CACNA2D3: variants seen among roughly 807,000 people sequenced by gnomAD.
CACNA2D3 encodes calcium voltage-gated channel auxiliary subunit alpha2delta 3.
CACNA2D3 carries 60 observed loss-of-function variants against 160.6 expected under a neutral mutation model. The observed-to-expected ratio is 0.37, with a 90% CI of 0.30 to 0.46. The LOEUF (loss-of-function observed/expected upper bound fraction) is 0.46, where lower values mean the gene tolerates loss of function less well. Among genes scored for constraint, CACNA2D3 ranks in the 20% least tolerant of loss-of-function variants. The pLI is 1.00. For synonymous variants in CACNA2D3, 558 were observed against 492.9 expected (o/e 1.13, Z -1.75); for missense variants, 1,205 against 1,365.0 (o/e 0.88, Z 1.85).
intron 35 of CACNA2D3, among the ~76,000 whole-genome samples, chr3:55,025,634 C>CAAAAAAAAAAAAAAAAAAAAAAAAAAAA (rs10717273): frequency 1.6e-5 from 1 of 63,282 alleles, no homozygotes; most frequent in Non-Finnish European, 2.9e-5. Context: ...ACTCTATCTC[C>CAAAAAAAAAAAAAAAAAAAAAAAAAAAA]AAAAAAAAAA....
At chr3:54,638,276 C>A (rs1699423821) in intron 10 of CACNA2D3, 2 of 151,870 alleles carry the variant, frequency 1.3e-5, no homozygotes, top group Middle Eastern at 3.2e-3. Context: ...ATGAACTGGG[C>A]TAGATTTTTA....
At chr3:54,647,279 C>T (rs761315986) in intron 11 of CACNA2D3, among the ~76,000 whole-genome samples, 5 of 152,116 alleles carry the variant, frequency 3.3e-5, no homozygotes, top group Non-Finnish European at 7.3e-5. Context: ...TGTTATGTAG[C>T]AGTAGAAAAC....
intron 14 of CACNA2D3, among the ~76,000 whole-genome samples, chr3:54,835,742 C>T (rs1275453747): frequency 6.6e-6 from 1 of 152,182 alleles, no homozygotes; most frequent in African/African-American, 2.4e-5. Flanking sequence ...GAACAGGCTA[C>T]GAAGCCAGAA....
intron 5 of CACNA2D3, among the ~76,000 whole-genome samples, chr3:54,537,222 G>C (rs754479672): frequency 9.2e-5 from 14 of 152,012 alleles, no homozygotes; most frequent in Non-Finnish European, 1.8e-4. Context: ...CCATGTGCGC[G>C]ATTAGGGTTA....
At chr3:54,719,344 T>C (rs929004435) in intron 11 of CACNA2D3, among the ~76,000 whole-genome samples, 1 of 152,016 alleles carries the variant, frequency 6.6e-6, no homozygotes, top group East Asian at 1.9e-4. Flanking sequence ...AGTGCTCTTC[T>C]GTTCCTAGTG....
chr3:54,813,035 A>G (rs1228429599), intron 13 of CACNA2D3, among the ~76,000 whole-genome samples: 1 of 152,180 alleles, frequency 6.6e-6, no homozygotes, highest in Non-Finnish European at 1.5e-5. Flanking sequence ...CCTTCTGAAT[A>G]CACATTCTCC....
intron 2 of CACNA2D3, among the ~76,000 whole-genome samples, chr3:54,149,928 T>TCTCTCTCTCTCCCTCCCTCC (rs1559863335): frequency 1.4e-4 from 5 of 35,554 alleles, no homozygotes; most frequent in African/African-American, 7.4e-4. Context: ...TCTCTCTCTC[T>TCTCTCTCTCTCCCTCCCTCC]CTCCCTCCCT....
chr3:54,150,339 A>G (rs555631056), intron 2 of CACNA2D3, among the ~76,000 whole-genome samples: 1 of 152,330 alleles, frequency 6.6e-6, no homozygotes, highest in African/African-American at 2.4e-5. Context: ...AAGGAAAAAT[A>G]TAATGAAAAT....
chr3:54,661,097 A>G (rs1259509923), intron 11 of CACNA2D3, among the ~76,000 whole-genome samples: 1 of 152,132 alleles, frequency 6.6e-6, no homozygotes, highest in Non-Finnish European at 1.5e-5. Context: ...TAAGATGTCG[A>G]GGGAGGATTA....
chr3:54,302,599 C>CA (rs1330994361), intron 2 of CACNA2D3, among the ~76,000 whole-genome samples: 1 of 152,204 alleles, frequency 6.6e-6, no homozygotes, highest in African/African-American at 2.4e-5. Flanking sequence ...CACATACTCT[C>CA]ACCTCCTCAT....
intron 2 of CACNA2D3, among the ~76,000 whole-genome samples, chr3:54,145,112 A>T (rs570806478): frequency 6.6e-6 from 1 of 152,298 alleles, no homozygotes; most frequent in East Asian, 1.9e-4. Context: ...ATAGACCAAG[A>T]TCTAAGTGTT....
chr3:54,685,285 C>A (rs760971708), intron 11 of CACNA2D3, among the ~76,000 whole-genome samples: 1 of 152,152 alleles, frequency 6.6e-6, no homozygotes, highest in Non-Finnish European at 1.5e-5. Context: ...TGCAAAGTGC[C>A]AGATAGTGTT....
intron 11 of CACNA2D3, among the ~76,000 whole-genome samples, chr3:54,736,536 C>G (rs1393432839): frequency 6.6e-6 from 1 of 152,144 alleles, no homozygotes; most frequent in East Asian, 1.9e-4. Flanking sequence ...TACATTTCCA[C>G]CAGCCGAAAG....
intron 25 of CACNA2D3, among the ~76,000 whole-genome samples, chr3:54,892,235 G>C (rs1700086711): frequency 6.6e-6 from 1 of 152,026 alleles, no homozygotes; most frequent in Non-Finnish European, 1.5e-5. Context: ...TTAGAGAGTG[G>C]TTTGCAAGTG....
At chr3:54,209,985 G>A (rs1348885048) in intron 2 of CACNA2D3, among the ~76,000 whole-genome samples, 1 of 152,112 alleles carries the variant, frequency 6.6e-6, no homozygotes, top group Non-Finnish European at 1.5e-5. Context: ...TATTTATAGG[G>A]CATCTACTAT....
In CACNA2D3 at chr3:54,734,638, G is replaced by T. The variant is rs538549412; in HGVS notation, c.1168-17961G>T. 2.6e-5 allele frequency among the ~76,000 whole-genome samples: 4 copies of T among 152,308 alleles called. 1 individual carries two copies. The South Asian group carries it at 6.2e-4, about 24-fold the overall frequency. On this transcript the variant is annotated intron_variant, in intron 11 of 37. Coordinates refer to ENST00000474759, the MANE Select transcript of CACNA2D3 (RefSeq NM_018398.3). ...ATGCTCGAAGCATCTTTGCAGATCG[G>T]TAGGAAATAAATGGCAACTCACAAA...
At chr3:54,773,587 C>T (rs1392624959) in intron 13 of CACNA2D3, among the ~76,000 whole-genome samples, 1 of 152,210 alleles carries the variant, frequency 6.6e-6, no homozygotes, top group African/African-American at 2.4e-5. Flanking sequence ...CATGCTGTGA[C>T]ACTTCACTTC....
rs576922918 is a variant in CACNA2D3 at position 55,067,719 on chromosome 3, A to G, written c.2988-5726A>G. Among the ~76,000 whole-genome samples, 5 of 150,796 alleles carry G rather than the reference A, an allele frequency of 3.3e-5. No individual in the cohort carries two copies. The South Asian group carries it at 1.0e-3, about 31-fold the overall frequency. On this transcript the variant is annotated intron_variant, in intron 35 of 37. Coordinates refer to ENST00000474759, the MANE Select transcript of CACNA2D3 (RefSeq NM_018398.3). ...TTATTTATACATCCATGCATTAGAT[A>G]CATACATACATACATACATACATAC... is the stretch of plus-strand genomic sequence containing the variant.
chr3:54,199,231 C>G (rs144283669), intron 2 of CACNA2D3, among the ~76,000 whole-genome samples: 1 of 152,206 alleles, frequency 6.6e-6, no homozygotes, highest in Admixed American at 6.5e-5. Context: ...CTGGTTTCCT[C>G]TGTATCCCCA....
Sources: allele counts gnomAD v4.1 joint callset (sites outside exome capture counted in the v4.1 genomes callset), GRCh38; gene constraint gnomAD v4.1.1; transcripts MANE v1.5; gene names NCBI Gene and HGNC (gene_info 2026-07-23, HGNC 2026-07-21).